Variants in ARFGEF2 observed in about 807,000 individuals in gnomAD.
ARFGEF2 encodes ARF guanine nucleotide exchange factor 2.
In ARFGEF2, 74 loss-of-function variants were observed where a neutral mutation model predicts 219.9. The ratio of observed to expected loss-of-function variants is 0.34; its 90% confidence interval spans 0.28 to 0.41. The LOEUF (loss-of-function observed/expected upper bound fraction) is 0.41, where lower values mean the gene tolerates loss of function less well. Ranked by LOEUF, ARFGEF2 falls within the 10% of genes least tolerant of loss-of-function variation. The pLI, the probability that ARFGEF2 is intolerant of heterozygous loss-of-function variation, is 1.00. For synonymous variants in ARFGEF2, 733 were observed against 799.2 expected, an observed-to-expected ratio of 0.92 and a Z score of 1.40; for missense variants, 1,743 against 2,218.3, an observed-to-expected ratio of 0.79 and a Z score of 4.30.
intron 9 of ARFGEF2, among the ~76,000 whole-genome samples, chr20:48,970,050 C>T (rs556761838): frequency 6.6e-6 from 1 of 152,316 alleles, no homozygotes; most frequent in Non-Finnish European, 1.5e-5. Flanking sequence ...TGCGGTGGCT[C>T]ACACCTATAA....
In ARFGEF2 at chr20:48,921,806, C is replaced by A; in HGVS notation, c.-84C>A. 8.1e-7 allele frequency: 1 copy of A among 1,234,764 alleles called. No individual in the cohort carries two copies. 76.5% of individuals were successfully genotyped at this position (1,234,764 alleles called of 1,614,324 possible). A position where few individuals can be genotyped will look rare whatever the true frequency, so the allele number is the denominator to read the frequency against. On this transcript the variant is annotated 5_prime_UTR_variant, in exon 1 of 39. Coordinates refer to ENST00000371917, the MANE Select transcript of ARFGEF2 (RefSeq NM_006420.3). Reference sequence around the variant, plus strand: ...GCGGACGGACGCGGCCGGTGCCGGCCGGGACGCCGGGCCCGCAGCCTAGCT... The same window carrying A: ...GCGGACGGACGCGGCCGGTGCCGGCAGGGACGCCGGGCCCGCAGCCTAGCT...
intron 1 of ARFGEF2, among the ~76,000 whole-genome samples, chr20:48,925,049 G>A (rs1412460706): frequency 6.6e-6 from 1 of 152,094 alleles, no homozygotes; most frequent in African/African-American, 2.4e-5. Flanking sequence ...TGCTCTATTT[G>A]GTTTGTAGAT....
At position 48,984,800 on chromosome 20, in the gene ARFGEF2, A is replaced by G. The variant is rs1292390703; in HGVS notation, c.2030A>G (p.Asp677Gly). 1 of 1,613,242 alleles carries G rather than the reference A, an allele frequency of 6.2e-7. No individual in the cohort carries two copies. Among genetic ancestry groups the G allele is most frequent in the Admixed American group, 1.7e-5 (1 of 60,022 alleles). Residue 677 changes from aspartate to glycine, a missense_variant, in exon 15 of 39, where the codon GAC becomes GGC. Asp to Gly is a moderately conservative substitution (Grantham distance 94, BLOSUM62 -1). Transcript: ENST00000371917. ...GGCATGCTGGGAACGTCAGTTGAAG[A>G]CATAGCCCAATTCCTGCACCAGGAG... ...EQGMLGTSVEDIAQFLHQEER... is the reference protein window; with the variant it reads ...EQGMLGTSVEGIAQFLHQEER...
intron 21 of ARFGEF2, among the ~76,000 whole-genome samples, chr20:48,993,094 C>A (rs7270892): frequency 0.064 from 9,682 of 152,170 alleles, 1,000 homozygotes; most frequent in African/African-American, 0.21. Flanking sequence ...TTTTTAAAAT[C>A]ATTTCCTGCC....
At chr20:48,996,344 A>C (rs1442019607) in intron 23 of ARFGEF2, among the ~76,000 whole-genome samples, 1 of 151,766 alleles carries the variant, frequency 6.6e-6, no homozygotes, top group Non-Finnish European at 1.5e-5. Context: ...AGTCCCAGCT[A>C]CTCTGGAGGC....
In ARFGEF2 at chr20:48,952,740, A is replaced by T. The variant is rs2091079011; in HGVS notation, c.459A>T (p.Glu153Asp). 6.2e-7 allele frequency: 1 copy of T among 1,614,086 alleles called. No homozygotes were observed. ...CTGCAGTGACTTCCCCACACATTGAAATTCATGAGGGTACTATCCTGCAGA... is the reference window on the plus strand; with the variant it reads ...CTGCAGTGACTTCCCCACACATTGATATTCATGAGGGTACTATCCTGCAGA... ...LLTAVTSPHI[E>D]IHEGTILQTV... Residue 153 changes from glutamate to aspartate, a missense_variant, in exon 5 of 39, where the codon GAA (glutamate) becomes GAT (aspartate). Coordinates refer to ENST00000371917, the MANE Select transcript of ARFGEF2 (RefSeq NM_006420.3).
chr20:48,991,464 A>ATT (rs71337479), intron 21 of ARFGEF2, among the ~76,000 whole-genome samples: 12 of 134,932 alleles, frequency 8.9e-5, no homozygotes, highest in Non-Finnish European at 1.5e-4. Context: ...TATTAGTGCC[A>ATT]TTTTTTTTTT....
chr20:48,936,586 A>G (rs1219423609), intron 1 of ARFGEF2, among the ~76,000 whole-genome samples: 1 of 151,882 alleles, frequency 6.6e-6, no homozygotes, highest in East Asian at 1.9e-4. Flanking sequence ...GTGCATTGGC[A>G]TGATCTCAGC....
intron 36 of ARFGEF2, among the ~76,000 whole-genome samples, chr20:49,026,251 A>G (rs1287784518): frequency 6.6e-6 from 1 of 151,882 alleles, no homozygotes; most frequent in Non-Finnish European, 1.5e-5. Context: ...GAATCACTTG[A>G]GCCTAGGAGG....
chr20:48,977,187 T>G (rs1207618822), intron 14 of ARFGEF2, among the ~76,000 whole-genome samples: 2 of 151,352 alleles, frequency 1.3e-5, no homozygotes, highest in Non-Finnish European at 1.5e-5. Context: ...TGTCTGAGTG[T>G]TCTCATTGTT....
intron 1 of ARFGEF2, among the ~76,000 whole-genome samples, chr20:48,922,903 G>C (rs1027314458): frequency 6.6e-6 from 1 of 152,122 alleles, no homozygotes; most frequent in Non-Finnish European, 1.5e-5. Context: ...CTCGAATAGA[G>C]GAGACAAAAT....
At chr20:49,012,686 T>C (rs1057205887) in intron 28 of ARFGEF2, among the ~76,000 whole-genome samples, 1 of 152,180 alleles carries the variant, frequency 6.6e-6, no homozygotes, top group Non-Finnish European at 1.5e-5. Context: ...ATATGTCTCA[T>C]CTCTTACAAC....
At chr20:49,005,262 G>A (rs538268127) in intron 26 of ARFGEF2, 41 bp downstream of exon 26, 92 of 1,612,562 alleles carry the variant, frequency 5.7e-5, no homozygotes, top group Middle Eastern at 3.3e-4. Context: ...CAAATTCCCC[G>A]TTGGGGCTCC....
intron 1 of ARFGEF2, among the ~76,000 whole-genome samples, chr20:48,935,604 T>C (rs1395557002): frequency 3.9e-5 from 6 of 152,240 alleles, no homozygotes; most frequent in African/African-American, 1.4e-4. Context: ...CAATGAGCTG[T>C]TGGGTACACC....
At chr20:49,012,753 G>T (rs934263043) in intron 28 of ARFGEF2, among the ~76,000 whole-genome samples, 1 of 152,182 alleles carries the variant, frequency 6.6e-6, no homozygotes, top group African/African-American at 2.4e-5. Context: ...CTTAGTACTT[G>T]TTGGGCACCA....
At chr20:48,998,677 T>C (rs980154790) in intron 25 of ARFGEF2, among the ~76,000 whole-genome samples, 172 bp downstream of exon 25, 2 of 152,226 alleles carry the variant, frequency 1.3e-5, no homozygotes, top group African/African-American at 4.8e-5. Flanking sequence ...TATATATTGG[T>C]AGCATTCATG....
intron 4 of ARFGEF2, among the ~76,000 whole-genome samples, 168 bp from the exon 5 acceptor site, chr20:48,952,537 T>C (rs557797552): frequency 6.6e-6 from 1 of 152,332 alleles, no homozygotes; most frequent in East Asian, 1.9e-4. Context: ...AGGAGTTGGC[T>C]CTTCATAATA....
chr20:48,941,135 G>A (rs1164552475), intron 1 of ARFGEF2, 64 bp from the exon 2 acceptor site: 21 of 1,479,080 alleles, frequency 1.4e-5, no homozygotes, highest in Non-Finnish European at 1.9e-5. Flanking sequence ...ATATCTTTTA[G>A]TAAAGTTTTC....
chr20:49,036,420 G>A lies in ARFGEF2; in HGVS notation c.*3221G>A, dbSNP rs971929051. ...CTGCATATTTGCATCAAATATTTAT[G>A]TGTAAAATGTATGTTTTACCTCCTT... On this transcript the variant is annotated 3_prime_UTR_variant, in exon 39 of 39. Transcript: ENST00000371917. The A allele has an allele frequency of 2.5e-6, 1 of 394,542 alleles. No individual in the cohort carries two copies. The highest frequency in any genetic ancestry group is 2.1e-5 in the African/African-American group (1 of 48,504). The allele number at this position is 394,542 out of a possible 1,614,324, so 24.4% of individuals were successfully genotyped here.
Sources: gnomAD v4.1 joint callset for allele counts (sites outside exome capture counted in the v4.1 genomes callset) on GRCh38, gnomAD v4.1.1 for gene constraint, MANE v1.5 for transcripts, NCBI Gene and HGNC (gene_info 2026-07-23, HGNC 2026-07-21) for gene names.